The following HMG20A variants were observed in gnomAD, a reference collection of about 807,000 sequenced individuals.
HMG20A encodes high mobility group protein 20A.
A neutral mutation model predicts 43.9 loss-of-function variants in HMG20A; 17 were observed. The ratio of observed to expected loss-of-function variants is 0.39; its 90% CI spans 0.27 to 0.58. HMG20A has a LOEUF of 0.58. Ranked by LOEUF, HMG20A falls within the 20% of genes least tolerant of loss-of-function variation. HMG20A has a pLI of 0.59. For missense variants in HMG20A, 341 were observed against 438.2 expected (o/e 0.78, Z 1.98); for synonymous variants, 132 against 147.5 (o/e 0.89, Z 0.76).
the HMG20A span, among the ~76,000 whole-genome samples, chr15:77,501,979 C>A: frequency 6.6e-6 from 1 of 152,148 alleles, no homozygotes; most frequent in African/African-American, 2.4e-5. Flanking sequence ...GCTTTCATCT[C>A]GCCCCTAGAT....
chr15:77,443,352 TATGATGATGATG>T (rs771200087), intron 1 of HMG20A, among the ~76,000 whole-genome samples: 3 of 141,788 alleles, frequency 2.1e-5, no homozygotes, highest in Admixed American at 7.2e-5. Flanking sequence ...ATCTATTTTT[TATGATGATGATG>T]ATGATGATGA....
downstream of HMG20A, among the ~76,000 whole-genome samples, chr15:77,487,500 C>G (rs1277157235): frequency 6.6e-6 from 1 of 152,196 alleles, no homozygotes; most frequent in Non-Finnish European, 1.5e-5. Flanking sequence ...AAACTGGCTT[C>G]CATCTGAGTT....
chr15:77,477,615 T>C lies in HMG20A; in HGVS notation c.676T>C (p.Leu226=), dbSNP rs776696439. ...CATCCCTATATTTACAGAGGAATTC[T>C]TGAACCATAGCAAAGGTGATTACTG... ...FDIPIFTEEF[L]NHSKAREAEL... The change falls in exon 7 of 10, where the codon TTG becomes CTG. Residue 226 remains leucine, a synonymous_variant. Transcript: ENST00000336216. 3.7e-6 allele frequency: 6 copies of C among 1,610,498 alleles called. No individual in the cohort carries two copies. In the Admixed American group the frequency reaches 1.0e-4, roughly 27 times the overall value.
At position 77,480,230 on chromosome 15, in the gene HMG20A, G is replaced by A. The variant is rs764597361; in HGVS notation, c.*6+909G>A. On this transcript the variant is annotated intron_variant, in intron 9 of 9. Coordinates refer to ENST00000336216, the MANE Select transcript of HMG20A (RefSeq NM_001304504.2). ...TCACTTGGGCTTAGAAGGTCAAGGC[G>A]AGGCTGCAGTGAGCCATTATCAGAC... is the stretch of plus-strand genomic sequence containing the variant. Among the ~76,000 whole-genome samples the A allele has an allele frequency of 1.1e-4, 16 of 152,112 alleles. 1 individual carries two copies. The highest frequency in any genetic ancestry group is 4.6e-4 in the Admixed American group (7 of 15,258).
chr15:77,421,389 G>T (rs960401195), intron 1 of HMG20A, among the ~76,000 whole-genome samples: 1 of 152,190 alleles, frequency 6.6e-6, no homozygotes, highest in African/African-American at 2.4e-5. Context: ...TTGCTTCCAC[G>T]TGGAATATGG....
chr15:77,504,971 C>T, the HMG20A span, among the ~76,000 whole-genome samples: 1 of 152,184 alleles, frequency 6.6e-6, no homozygotes, highest in Non-Finnish European at 1.5e-5. Context: ...GGGTGCCTGG[C>T]ACAGTGTATG....
intron 1 of HMG20A, among the ~76,000 whole-genome samples, chr15:77,424,972 G>A (rs1490419122): frequency 6.6e-6 from 1 of 152,006 alleles, no homozygotes; most frequent in African/African-American, 2.4e-5. Flanking sequence ...AAAAAAATCT[G>A]TACTGCACCC....
chr15:77,447,856 G>C (rs532213025), intron 1 of HMG20A: 1 of 152,182 alleles, frequency 6.6e-6, no homozygotes, highest in Non-Finnish European at 1.5e-5. Flanking sequence ...CTAGGCATTT[G>C]CATTAGATGG....
At position 77,482,978 on chromosome 15, in the gene HMG20A, AC is replaced by A; in HGVS notation, c.*16del. On this transcript the variant is annotated 3_prime_UTR_variant, in exon 10 of 10. Transcript: ENST00000336216. The stretch of plus-strand genomic sequence containing the variant: ...TTTTCCTGATTCTACAGGTCTTAGA[AC>A]TCCAAGATGTTCCATAAGTGTTTTT... 6.6e-6 allele frequency: 1 copy of A among 152,222 alleles called. No homozygotes were observed. Among genetic ancestry groups the A allele is most frequent in the Non-Finnish European group, 1.5e-5 (1 of 68,014 alleles). The allele number at this position is 152,222 out of a possible 1,614,324, so 9.4% of individuals were successfully genotyped here.
intron 2 of HMG20A, among the ~76,000 whole-genome samples, chr15:77,462,082 G>C (rs1315438447): frequency 6.6e-6 from 1 of 151,960 alleles, no homozygotes; most frequent in African/African-American, 2.4e-5. Flanking sequence ...TCAGTCCCAG[G>C]ACAGTCTGCT....
intron 1 of HMG20A, among the ~76,000 whole-genome samples, chr15:77,422,134 T>C (rs1436704726): frequency 6.6e-6 from 1 of 152,238 alleles, no homozygotes; most frequent in African/African-American, 2.4e-5. Context: ...GGTGTGTGTC[T>C]GTGTATTGAA....
At chr15:77,458,808 A>G (rs1425109465) in intron 2 of HMG20A, among the ~76,000 whole-genome samples, 1 of 152,216 alleles carries the variant, frequency 6.6e-6, no homozygotes. Context: ...TAAAAAACAA[A>G]TGCATTTTTT....
At chr15:77,442,255 G>T (rs1015313702) in intron 1 of HMG20A, among the ~76,000 whole-genome samples, 4 of 152,124 alleles carry the variant, frequency 2.6e-5, no homozygotes, top group Non-Finnish European at 5.9e-5. Context: ...AACTTATCTG[G>T]AAAGTTAATA....
intron 6 of HMG20A, 130 bp from the exon 7 acceptor site, chr15:77,477,425 C>T: frequency 3.0e-6 from 2 of 657,540 alleles, no homozygotes; most frequent in Non-Finnish European, 5.2e-6. Context: ...ATTTCCCTCA[C>T]AGACTCACCT....
intron 1 of HMG20A, among the ~76,000 whole-genome samples, chr15:77,449,122 G>A (rs919693300): frequency 6.6e-6 from 1 of 151,960 alleles, no homozygotes; most frequent in Non-Finnish European, 1.5e-5. Context: ...TTTAGGTCTA[G>A]AGAGCCATAT....
the HMG20A span, among the ~76,000 whole-genome samples, chr15:77,510,713 T>C: frequency 6.6e-6 from 1 of 152,128 alleles, no homozygotes; most frequent in Admixed American, 6.5e-5. Flanking sequence ...CAGTAGTCCG[T>C]CCTTGGGAGT....
At chr15:77,487,453 C>T (rs1414593603), downstream of HMG20A, among the ~76,000 whole-genome samples, 5 of 152,142 alleles carry the variant, frequency 3.3e-5, no homozygotes, top group African/African-American at 7.2e-5. Context: ...CATGTACTTC[C>T]GTGATACTTT....
chr15:77,518,586 C>T, the HMG20A span, among the ~76,000 whole-genome samples: 1 of 152,218 alleles, frequency 6.6e-6, no homozygotes, highest in Non-Finnish European at 1.5e-5. Context: ...ATGCTTGTGC[C>T]TTAGCTTCCG....
chr15:77,509,832 G>A, the HMG20A span, among the ~76,000 whole-genome samples: 1 of 151,590 alleles, frequency 6.6e-6, no homozygotes, highest in African/African-American at 2.4e-5. Context: ...GCTGGAACCT[G>A]GGAGGCAGAG....
Sources: gnomAD v4.1 joint callset for allele counts (sites outside exome capture counted in the v4.1 genomes callset) on GRCh38, gnomAD v4.1.1 for gene constraint, MANE v1.5 for transcripts, NCBI Gene and HGNC (gene_info 2026-07-23, HGNC 2026-07-21) for gene names.